Variants in RBFOX1 observed in about 807,000 individuals in gnomAD.
RBFOX1 encodes RNA binding fox-1 homolog 1.
Under a neutral mutation model 57.7 loss-of-function variants are expected in RBFOX1, and 8 were observed. That is an observed-to-expected ratio of 0.14 (90% CI 0.08 to 0.25). The LOEUF (loss-of-function observed/expected upper bound fraction) is 0.25, where lower values mean the gene tolerates loss of function less well. Ranked by LOEUF, RBFOX1 falls within the 10% of genes least tolerant of loss-of-function variation. The pLI, the probability that RBFOX1 is intolerant of heterozygous loss-of-function variation, is 1.00. For missense variants in RBFOX1, 611 were observed against 548.5 expected (o/e 1.11, Z -1.14); for synonymous variants, 326 against 222.4 (o/e 1.47, Z -4.15).
intron 4 of RBFOX1, among the ~76,000 whole-genome samples, chr16:7,508,838 C>G (rs2074195372): frequency 6.6e-6 from 1 of 152,216 alleles, no homozygotes; most frequent in East Asian, 1.9e-4. Flanking sequence ...GAAACCCCAT[C>G]CATTCCTTCC....
intron 2 of RBFOX1, among the ~76,000 whole-genome samples, chr16:5,562,514 TG>T (rs1335142594): frequency 6.6e-6 from 1 of 151,910 alleles, no homozygotes; most frequent in Non-Finnish European, 1.5e-5. Context: ...GGGGAGGACC[TG>T]GGGGAGACAG....
intron 3 of RBFOX1, among the ~76,000 whole-genome samples, chr16:6,933,460 C>G (rs1014119191): frequency 6.6e-6 from 1 of 152,204 alleles, no homozygotes; most frequent in Non-Finnish European, 1.5e-5. Flanking sequence ...TGCCTGTAAT[C>G]CCGGCTCTTT....
intron 3 of RBFOX1, among the ~76,000 whole-genome samples, chr16:6,914,181 A>T (rs974753870): frequency 6.6e-6 from 1 of 152,210 alleles, no homozygotes; most frequent in Non-Finnish European, 1.5e-5. Context: ...AGACCAGATC[A>T]TCATTTCCTT....
chr16:7,653,822 C>A lies in RBFOX1; in HGVS notation c.765C>A (p.Gly255=), dbSNP rs1293284656. ...TCTCCTCTTGCCCCGCAGTGCCAGG[C>A]TTCCCGTATCCAGCAGCCACCGCCG... ...SSLVYTSAMP[G]FPYPAATAAA... The change falls in exon 12 of 16, where the codon GGC becomes GGA. Residue 255 remains glycine, a synonymous_variant. Transcript: ENST00000550418. The A allele has an allele frequency of 6.2e-7, 1 of 1,608,224 alleles. No homozygotes were observed. The highest frequency in any genetic ancestry group is 8.5e-7 in the Non-Finnish European group (1 of 1,179,598).
intron 1 of RBFOX1, among the ~76,000 whole-genome samples, chr16:6,217,603 G>C (rs886236201): frequency 6.6e-6 from 1 of 152,180 alleles, no homozygotes; most frequent in Non-Finnish European, 1.5e-5. Flanking sequence ...TACCCACATC[G>C]TGGTGCATCA....
intron 4 of RBFOX1, among the ~76,000 whole-genome samples, chr16:7,091,217 CCT>C (rs2060797562): frequency 6.6e-6 from 1 of 151,882 alleles, no homozygotes; most frequent in African/African-American, 2.4e-5. Flanking sequence ...AAGTACACTT[CCT>C]CTGTTTTTAC....
At chr16:7,626,119 G>A (rs2060028770) in intron 10 of RBFOX1, among the ~76,000 whole-genome samples, 1 of 152,246 alleles carries the variant, frequency 6.6e-6, no homozygotes, top group South Asian at 2.1e-4. Context: ...AGATTTCCTG[G>A]AAAAAGACAA....
intron 3 of RBFOX1, among the ~76,000 whole-genome samples, chr16:5,749,772 C>CT (rs556466611): frequency 1.4e-4 from 21 of 148,678 alleles, no homozygotes; most frequent in Non-Finnish European, 2.9e-4. Flanking sequence ...TTTATCTAAT[C>CT]TTTTTTCAAG....
intron 3 of RBFOX1, among the ~76,000 whole-genome samples, chr16:6,930,134 T>G (rs971286131): frequency 1.3e-5 from 2 of 152,184 alleles, no homozygotes; most frequent in Non-Finnish European, 2.9e-5. Flanking sequence ...AGCCCCTCAA[T>G]CTGTGCTAGG....
chr16:5,599,672 G>A (rs1488414207), exon 3 of RBFOX1: 4 of 160,042 alleles, frequency 2.5e-5, no homozygotes, highest in Admixed American at 2.5e-4. Flanking sequence ...ATTTTATGAT[G>A]ATTTTCTCTT....
At chr16:6,806,097 C>G (rs191917400) in intron 3 of RBFOX1, among the ~76,000 whole-genome samples, 1 of 152,264 alleles carries the variant, frequency 6.6e-6, no homozygotes, top group East Asian at 1.9e-4. Context: ...AAAGATGATT[C>G]ATCCAAGAAC....
At chr16:5,467,453 G>C (rs1183172985) in intron 2 of RBFOX1, among the ~76,000 whole-genome samples, 1 of 152,112 alleles carries the variant, frequency 6.6e-6, no homozygotes, top group Non-Finnish European at 1.5e-5. Flanking sequence ...AACATACTTA[G>C]CATCTTTAAT....
intron 4 of RBFOX1, among the ~76,000 whole-genome samples, chr16:7,286,448 ATTT>A (rs940492155): frequency 5.7e-5 from 7 of 121,882 alleles, no homozygotes; most frequent in Non-Finnish European, 3.4e-5. Context: ...ATACTTTCTT[ATTT>A]TTTTTTTTTT....
intron 1 of RBFOX1, among the ~76,000 whole-genome samples, chr16:5,393,305 G>A (rs527870077): frequency 6.6e-6 from 1 of 152,172 alleles, no homozygotes; most frequent in African/African-American, 2.4e-5. Flanking sequence ...ATTGGGGGTT[G>A]GATCCAGCTG....
At chr16:6,760,071 G>C (rs192594045) in intron 3 of RBFOX1, among the ~76,000 whole-genome samples, 2 of 152,268 alleles carry the variant, frequency 1.3e-5, no homozygotes, top group South Asian at 4.1e-4. Flanking sequence ...GGCTCGGGGA[G>C]TCCAAACTCA....
At chr16:7,402,250 A>C (rs1460760786) in intron 4 of RBFOX1, among the ~76,000 whole-genome samples, 1 of 152,214 alleles carries the variant, frequency 6.6e-6, no homozygotes, top group Admixed American at 6.5e-5. Flanking sequence ...GGGAGGGTCA[A>C]CTAAGTTATT....
intron 3 of RBFOX1, among the ~76,000 whole-genome samples, chr16:5,683,974 C>T (rs1208034956): frequency 6.6e-6 from 1 of 152,034 alleles, no homozygotes; most frequent in South Asian, 2.1e-4. Context: ...CTCTGATGGT[C>T]AAGTGGCTCA....
At chr16:6,911,001 G>C (rs2071431725) in intron 3 of RBFOX1, among the ~76,000 whole-genome samples, 1 of 152,032 alleles carries the variant, frequency 6.6e-6, no homozygotes, top group Non-Finnish European at 1.5e-5. Flanking sequence ...AGGAGTTTGA[G>C]ATAAGCCTGG....
chr16:5,248,494 C>T (rs758541434), intron 1 of RBFOX1, among the ~76,000 whole-genome samples: 8 of 152,182 alleles, frequency 5.3e-5, no homozygotes, highest in African/African-American at 7.2e-5. Context: ...AGGTCACCCA[C>T]AGCCTAGCAC....
Sources: gnomAD v4.1 joint callset for allele counts (sites outside exome capture counted in the v4.1 genomes callset) on GRCh38, gnomAD v4.1.1 for gene constraint, MANE v1.5 for transcripts, NCBI Gene and HGNC (gene_info 2026-07-23, HGNC 2026-07-21) for gene names.